Variants in CNTLN observed in about 807,000 individuals in gnomAD.
CNTLN encodes centlein.
Under a neutral mutation model 180.0 loss-of-function variants are expected in CNTLN, and 212 were observed. The ratio of observed to expected loss-of-function variants is 1.18; its 90% confidence interval spans 1.05 to 1.32. CNTLN has a LOEUF of 1.32. Ranked by LOEUF, CNTLN falls within the 40% of genes most tolerant of loss-of-function variation. The probability of loss-of-function intolerance (pLI) is 0.00; values close to 1 mark genes in which losing one functional copy is unlikely to be tolerated. For synonymous variants in CNTLN, 722 were observed against 563.1 expected (o/e 1.28, Z -3.99); for missense variants, 2,095 against 1,610.9 (o/e 1.30, Z -5.14).
At chr9:17,389,878 T>C (rs1211942547) in intron 14 of CNTLN, among the ~76,000 whole-genome samples, 2 of 152,114 alleles carry the variant, frequency 1.3e-5, no homozygotes, top group Non-Finnish European at 2.9e-5. Context: ...GGAGATAGGG[T>C]CCTTAAAGAG....
At chr9:17,524,135 A>G in the CNTLN span, among the ~76,000 whole-genome samples, 1 of 152,246 alleles carries the variant, frequency 6.6e-6, no homozygotes, top group Admixed American at 6.5e-5. Context: ...AGTTTTCCAG[A>G]GAAGCAGAAC....
intron 8 of CNTLN, among the ~76,000 whole-genome samples, chr9:17,325,335 A>G (rs1300928842): frequency 6.6e-6 from 1 of 151,190 alleles, no homozygotes; most frequent in African/African-American, 2.4e-5. Context: ...ATCTCTGAAT[A>G]TGGGCATTTC....
chr9:17,389,883 A>G (rs1471614450), intron 14 of CNTLN, among the ~76,000 whole-genome samples: 1 of 152,136 alleles, frequency 6.6e-6, no homozygotes, highest in Admixed American at 6.5e-5. Context: ...TAGGGTCCTT[A>G]AAGAGGTAAT....
Position 17,395,085 on chromosome 9 carries a change from ACT to A in CNTLN, c.2615+17_2615+18del. The A allele has an allele frequency of 6.3e-7, 1 of 1,589,878 alleles. No individual in the cohort carries two copies. On this transcript the variant is annotated intron_variant, in intron 15 of 25. Coordinates refer to ENST00000380647, the MANE Select transcript of CNTLN (RefSeq NM_017738.4). ...GTGAAAGCAGGTAAGGCTCTCATTA[ACT>A]TAGCTCTGTGGTGGGGACACTGCGC...
intron 12 of CNTLN, among the ~76,000 whole-genome samples, chr9:17,351,390 TGTC>T (rs1822350669): frequency 6.6e-6 from 1 of 152,196 alleles, no homozygotes; most frequent in Non-Finnish European, 1.5e-5. Context: ...TATATCCAAA[TGTC>T]TACACAACAT....
At chr9:17,445,521 C>T (rs947646276) in intron 18 of CNTLN, among the ~76,000 whole-genome samples, 20 of 152,192 alleles carry the variant, frequency 1.3e-4, no homozygotes, top group Non-Finnish European at 2.1e-4. Flanking sequence ...GAAACATGTG[C>T]TGTGTCAACT....
chr9:17,348,554 G>T (rs7869727), intron 12 of CNTLN, among the ~76,000 whole-genome samples: 88,074 of 147,544 alleles, frequency 0.6, 26,530 homozygotes, highest in East Asian at 0.73. Flanking sequence ...TTTTTGAGAC[G>T]GAGTCTTGCT....
chr9:17,497,840 T>C (rs1301704701), intron 25 of CNTLN, among the ~76,000 whole-genome samples: 1 of 152,190 alleles, frequency 6.6e-6, no homozygotes, highest in Non-Finnish European at 1.5e-5. Flanking sequence ...AACTACAAGA[T>C]AACAGAGTGG....
rs1448304854 is a variant in CNTLN at position 17,464,561 on chromosome 9, C to T, written c.3469C>T (p.Gln1157Ter). 2.6e-6 allele frequency: 4 copies of T among 1,512,896 alleles called. No homozygotes were observed. The South Asian group carries it at 3.9e-5, about 15-fold the overall frequency. 93.7% of individuals were successfully genotyped at this position (1,512,896 alleles called of 1,614,324 possible). A position where few individuals can be genotyped will look rare whatever the true frequency, so the allele number is the denominator to read the frequency against. The change falls in exon 21 of 26, where the codon CAG (glutamine) becomes TAG (stop). Residue 1157 changes from glutamine (Q) to a stop codon, truncating the protein, a stop_gained. Transcript: ENST00000380647. LOFTEE classifies it high-confidence loss of function. ...RHLIEDLKFR[Q>*]KVNLESNKSF... The stretch of plus-strand genomic sequence containing the variant: ...TTTGATAGAGGACTTGAAATTTCGA[C>T]AGAAAGTAAATTTGGAAAGTAACAA...
At chr9:17,520,640 A>G in the CNTLN span, among the ~76,000 whole-genome samples, 1 of 152,234 alleles carries the variant, frequency 6.6e-6, no homozygotes, top group Non-Finnish European at 1.5e-5. Context: ...AGGGAGCTCT[A>G]TTTATTGAAG....
At chr9:17,229,204 A>G (rs1824661404) in intron 3 of CNTLN, among the ~76,000 whole-genome samples, 1 of 152,114 alleles carries the variant, frequency 6.6e-6, no homozygotes, top group Non-Finnish European at 1.5e-5. Context: ...GAGAGTTTCA[A>G]GAAGCAAAAT....
At chr9:17,265,502 CT>C (rs201744575) in intron 5 of CNTLN, among the ~76,000 whole-genome samples, 34,980 of 151,756 alleles carry the variant, frequency 0.23, 4,738 homozygotes, top group South Asian at 0.36. Context: ...CTAAAATTCT[CT>C]TTTTTTTGTT....
At chr9:17,365,633 T>A (rs1823755117) in intron 12 of CNTLN, among the ~76,000 whole-genome samples, 1 of 152,208 alleles carries the variant, frequency 6.6e-6, no homozygotes. Flanking sequence ...CATTTTTCAT[T>A]ACTATTTTGC....
chr9:17,263,845 T>G (rs1827196326), intron 5 of CNTLN, among the ~76,000 whole-genome samples: 1 of 142,892 alleles, frequency 7.0e-6, no homozygotes, highest in African/African-American at 2.7e-5. Context: ...TGTCTTCTTT[T>G]GAGAAGTGTC....
chr9:17,384,481 G>T (rs529607499), intron 13 of CNTLN, among the ~76,000 whole-genome samples: 2 of 152,236 alleles, frequency 1.3e-5, no homozygotes, highest in South Asian at 4.1e-4. Context: ...AAAGGGGATG[G>T]TCTGGGTCTC....
chr9:17,427,317 C>CG (rs71331489), intron 18 of CNTLN, among the ~76,000 whole-genome samples: 3 of 148,652 alleles, frequency 2.0e-5, no homozygotes, highest in Non-Finnish European at 4.4e-5. Flanking sequence ...TTCAGCAATA[C>CG]TCGAAAAGAA....
At chr9:17,324,351 T>G (rs2133063330) in intron 8 of CNTLN, among the ~76,000 whole-genome samples, 1 of 152,312 alleles carries the variant, frequency 6.6e-6, no homozygotes, top group African/African-American at 2.4e-5. Context: ...ATAACATATT[T>G]TGGAAAAATC....
At chr9:17,431,815 A>G (rs1829433930) in intron 18 of CNTLN, among the ~76,000 whole-genome samples, 1 of 152,208 alleles carries the variant, frequency 6.6e-6, no homozygotes, top group Admixed American at 6.5e-5. Context: ...CTTACTAGGT[A>G]TAACACCAGA....
At chr9:17,516,489 T>C in the CNTLN span, among the ~76,000 whole-genome samples, 1 of 152,142 alleles carries the variant, frequency 6.6e-6, no homozygotes, top group Admixed American at 6.5e-5. Flanking sequence ...TTTATACCCT[T>C]AGGTTCAATG....
Sources: gnomAD v4.1 joint callset for allele counts (sites outside exome capture counted in the v4.1 genomes callset) on GRCh38, gnomAD v4.1.1 for gene constraint, MANE v1.5 for transcripts, NCBI Gene and HGNC (gene_info 2026-07-23, HGNC 2026-07-21) for gene names.